The following C13orf42 variants were observed in gnomAD, a reference collection of about 807,000 sequenced individuals.
C13orf42 encodes chromosome 13 open reading frame 42, also known as uncharacterized protein C13orf42.
Position 51,083,061 on chromosome 13 carries a change from T to C in C13orf42, c.*1090A>G, listed in dbSNP as rs1953081481. 1 of 152,220 alleles carries C rather than the reference T, an allele frequency of 6.6e-6. No individual in the cohort carries two copies. The highest frequency in any genetic ancestry group is 1.5e-5 in the Non-Finnish European group (1 of 68,066). The allele number at this position is 152,220 out of a possible 1,614,324, so 9.4% of individuals were successfully genotyped here. A position where few individuals can be genotyped will look rare whatever the true frequency, so the allele number is the denominator to read the frequency against. On this transcript the variant is annotated 3_prime_UTR_variant, in exon 4 of 4. Transcript: ENST00000563710. ...AATGATTGTGGTTTTCTTTGTTTTG[T>C]TTTGTTTTCTGTTTTTTGTCTCTCT...
intron 1 of C13orf42, among the ~76,000 whole-genome samples, chr13:51,144,779 T>C (rs1953722493): frequency 6.6e-6 from 1 of 152,214 alleles, no homozygotes; most frequent in Admixed American, 6.5e-5. Context: ...CTCATGGGTA[T>C]TTGATGGCAC....
intron 1 of C13orf42, among the ~76,000 whole-genome samples, chr13:51,104,461 C>T (rs958268846): frequency 1.3e-5 from 2 of 152,094 alleles, no homozygotes; most frequent in Admixed American, 6.6e-5. Flanking sequence ...CTGAGGTGGG[C>T]AGATTGCCTG....
intron 1 of C13orf42, among the ~76,000 whole-genome samples, chr13:51,158,385 T>G (rs557568315): frequency 6.6e-6 from 1 of 152,242 alleles, no homozygotes; most frequent in African/African-American, 2.4e-5. Flanking sequence ...ATTTCTACTT[T>G]GCTGGTTTGT....
Position 51,092,924 on chromosome 13 carries a change from CTTTT to C in C13orf42, c.415-4853_415-4850del, listed in dbSNP as rs568355376. Among the ~76,000 whole-genome samples the C allele has an allele frequency of 2.2e-3, 339 of 152,088 alleles. 1 individual carries two copies. The highest frequency in any genetic ancestry group is 3.6e-3 in the Non-Finnish European group (248 of 67,978). ...TTTTTGTTCCTCTATCAACCTCTCA[CTTTT>C]TTTTCTGAAAGCTAATCCTAAAAAA... is the stretch of plus-strand genomic sequence containing the variant. On this transcript the variant is annotated intron_variant, in intron 1 of 3. Coordinates refer to ENST00000563710, the MANE Select transcript of C13orf42 (RefSeq NM_001351589.3).
At chr13:51,142,687 G>A (rs917241173) in intron 1 of C13orf42, among the ~76,000 whole-genome samples, 2 of 149,688 alleles carry the variant, frequency 1.3e-5, no homozygotes, top group Non-Finnish European at 3.0e-5. Flanking sequence ...TTATTTCAGA[G>A]TTATGTATAA....
chr13:51,135,326 C>A (rs1593547203), intron 1 of C13orf42, among the ~76,000 whole-genome samples: 2 of 152,290 alleles, frequency 1.3e-5, no homozygotes. Flanking sequence ...CAGCCACAGA[C>A]CTCCGAGCCT....
chr13:51,161,271 C>G (rs1012940402), intron 1 of C13orf42, among the ~76,000 whole-genome samples: 1 of 151,726 alleles, frequency 6.6e-6, no homozygotes, highest in African/African-American at 2.4e-5. Flanking sequence ...ACAACTAACT[C>G]CTACTAAGTA....
intron 1 of C13orf42, among the ~76,000 whole-genome samples, chr13:51,137,750 G>T (rs1953668674): frequency 6.6e-6 from 1 of 152,026 alleles, no homozygotes; most frequent in Admixed American, 6.5e-5. Flanking sequence ...AAAAACTCTG[G>T]AAGTTTTAGG....
At chr13:51,107,158 G>A (rs972124130) in intron 1 of C13orf42, among the ~76,000 whole-genome samples, 2 of 152,158 alleles carry the variant, frequency 1.3e-5, no homozygotes. Flanking sequence ...GTATCTCCAG[G>A]GGGCTGGGGT....
upstream of C13orf42, among the ~76,000 whole-genome samples, chr13:51,112,315 TG>T (rs1276378700): frequency 6.6e-6 from 1 of 152,214 alleles, no homozygotes; most frequent in Non-Finnish European, 1.5e-5. Flanking sequence ...ACTGAATGAA[TG>T]TATTAGCATG....
intron 1 of C13orf42, among the ~76,000 whole-genome samples, chr13:51,097,714 C>G (rs547986444): frequency 1.3e-5 from 2 of 151,716 alleles, no homozygotes; most frequent in Admixed American, 6.6e-5. Context: ...CTCACAACTC[C>G]AAGCAAAAGT....
At chr13:51,167,337 C>T (rs1953911302) in intron 1 of C13orf42, among the ~76,000 whole-genome samples, 1 of 152,080 alleles carries the variant, frequency 6.6e-6, no homozygotes. Flanking sequence ...GTGACCCTGG[C>T]ATTGTATGTC....
In C13orf42 at chr13:51,087,923, C is replaced by T. The variant is rs1277779652; in HGVS notation, c.562+5G>A. 1 of 399,296 alleles carries T rather than the reference C, an allele frequency of 2.5e-6. No homozygotes were observed. The highest frequency in any genetic ancestry group is 4.4e-6 in the Non-Finnish European group (1 of 226,400). 24.7% of individuals were successfully genotyped at this position (399,296 alleles called of 1,614,324 possible). A position where few individuals can be genotyped will look rare whatever the true frequency, so the allele number is the denominator to read the frequency against. On this transcript the variant is annotated splice_donor_5th_base_variant and intron_variant, in intron 2 of 3. Transcript: ENST00000563710. ...CCATCTTCCCACTGCCTTCCTGGCA[C>T]TCACCGTCAAAGTCCACATCTTCAT...
intron 1 of C13orf42, among the ~76,000 whole-genome samples, chr13:51,149,300 A>G (rs7998926): frequency 0.14 from 20,460 of 148,160 alleles, 1,572 homozygotes; most frequent in African/African-American, 0.2. Flanking sequence ...GAAGTGGCCA[A>G]AGGCTGAAAT....
At chr13:51,129,650 G>A (rs181005366) in intron 1 of C13orf42, among the ~76,000 whole-genome samples, 5 of 152,090 alleles carry the variant, frequency 3.3e-5, no homozygotes, top group South Asian at 4.2e-4. Context: ...CCAGTTGAAC[G>A]CACGACAAAA....
At chr13:51,120,024 A>G (rs1953521630) in intron 1 of C13orf42, among the ~76,000 whole-genome samples, 1 of 152,202 alleles carries the variant, frequency 6.6e-6, no homozygotes, top group African/African-American at 2.4e-5. Flanking sequence ...ACCATCAAGG[A>G]AGTTTAGGAA....
At chr13:51,152,836 G>C (rs1953790087) in intron 1 of C13orf42, among the ~76,000 whole-genome samples, 1 of 152,108 alleles carries the variant, frequency 6.6e-6, no homozygotes, top group South Asian at 2.1e-4. Context: ...AGGCTCACTG[G>C]CTTAGTGACT....
chr13:51,118,739 T>C (rs888197278), intron 1 of C13orf42, among the ~76,000 whole-genome samples: 3 of 152,310 alleles, frequency 2.0e-5, no homozygotes, highest in African/African-American at 2.4e-5. Context: ...TACTTGTATA[T>C]GGCATAATTA....
chr13:51,088,782 A>G (rs1353623808), intron 1 of C13orf42, among the ~76,000 whole-genome samples: 1 of 152,228 alleles, frequency 6.6e-6, no homozygotes, highest in Non-Finnish European at 1.5e-5. Flanking sequence ...TAAAATTAGT[A>G]TGGTTGTTTG....
Sources: allele counts gnomAD v4.1 joint callset (sites outside exome capture counted in the v4.1 genomes callset), GRCh38; gene constraint gnomAD v4.1.1; transcripts MANE v1.5; gene names NCBI Gene and HGNC (gene_info 2026-07-23, HGNC 2026-07-21).